AKAP6: variants seen among roughly 807,000 people sequenced by gnomAD.
AKAP6 encodes the protein A-kinase anchor protein 6.
A neutral mutation model predicts 188.5 loss-of-function variants in AKAP6; 58 were observed. The ratio of observed to expected loss-of-function variants is 0.31; its 90% CI spans 0.25 to 0.38. The LOEUF (loss-of-function observed/expected upper bound fraction) is 0.38, where lower values mean the gene tolerates loss of function less well. Ranked by LOEUF, AKAP6 falls within the 10% of genes least tolerant of loss-of-function variation. The probability of loss-of-function intolerance (pLI) is 1.00; values close to 1 mark genes in which losing one functional copy is unlikely to be tolerated. For synonymous variants in AKAP6, 989 were observed against 998.6 expected (o/e 0.99, Z 0.18); for missense variants, 2,710 against 2,740.0 (o/e 0.99, Z 0.24).
At chr14:32,505,171 C>T (rs1880807567) in intron 2 of AKAP6, among the ~76,000 whole-genome samples, 1 of 152,078 alleles carries the variant, frequency 6.6e-6, no homozygotes, top group Non-Finnish European at 1.5e-5. Context: ...AATCATAACT[C>T]TTAGAGCCCA....
chr14:32,374,491 C>A (rs142198415), intron 1 of AKAP6, among the ~76,000 whole-genome samples: 1 of 152,238 alleles, frequency 6.6e-6, no homozygotes, highest in African/African-American at 2.4e-5. Flanking sequence ...GATGTTGATT[C>A]ATTCCATTTG....
intron 9 of AKAP6, among the ~76,000 whole-genome samples, chr14:32,705,186 C>T (rs1890762176): frequency 6.6e-6 from 1 of 152,136 alleles, no homozygotes; most frequent in Non-Finnish European, 1.5e-5. Context: ...GCTGCATTAC[C>T]AACTGACCAT....
rs2034518650 is a variant in AKAP6 at position 32,821,553 on chromosome 14, C to T, written c.3740C>T (p.Pro1247Leu). ...DLDQELQPVI[P>L]SLKLGETSNE... is the part of the protein sequence containing the mutation. ...GATCAAGAACTCCAACCTGTTATCC[C>T]TTCCTTGAAGCTTGGAGAGACAAGT... The change falls in exon 13 of 14, where the codon CCT (proline) becomes CTT (leucine). Residue 1247 changes from proline to leucine, a missense_variant. By Grantham distance (98) the Pro-to-Leu change is moderately conservative. Transcript: ENST00000280979. 3.7e-6 allele frequency: 6 copies of T among 1,613,516 alleles called. No homozygotes were observed. In the Admixed American group the frequency reaches 5.0e-5, roughly 13 times the overall value.
chr14:32,456,852 A>G (rs1325661151), intron 2 of AKAP6, among the ~76,000 whole-genome samples: 1 of 152,208 alleles, frequency 6.6e-6, no homozygotes, highest in Non-Finnish European at 1.5e-5. Flanking sequence ...AAGAGGAGGG[A>G]ATTACATGCA....
chr14:32,494,060 G>A (rs901905592), intron 2 of AKAP6, among the ~76,000 whole-genome samples: 1 of 152,280 alleles, frequency 6.6e-6, no homozygotes, highest in Non-Finnish European at 1.5e-5. Flanking sequence ...ATCCACTTTG[G>A]TGTTCTCTCT....
rs762832602 is a variant in AKAP6 at position 32,824,146 on chromosome 14, G to T, written c.6333G>T (p.Ser2111=). The change falls in exon 13 of 14, where the codon TCG becomes TCT. Residue 2111 remains serine (S), a synonymous_variant. Transcript: ENST00000280979. ...AGCTGAGAAAAGGGGACTTTTATTC[G>T]TACTTATCTCTCTCATCTCATGACA... ...PIQLRKGDFY[S]YLSLSSHDSD... 6.2e-7 allele frequency: 1 copy of T among 1,613,934 alleles called. No homozygotes were observed. Among genetic ancestry groups the T allele is most frequent in the Non-Finnish European group, 8.5e-7 (1 of 1,179,906 alleles).
At chr14:32,698,575 A>G (rs1208217771) in intron 9 of AKAP6, among the ~76,000 whole-genome samples, 1 of 152,108 alleles carries the variant, frequency 6.6e-6, no homozygotes, top group African/African-American at 2.4e-5. Flanking sequence ...TTTACACTAC[A>G]GAACATTTAC....
intron 7 of AKAP6, among the ~76,000 whole-genome samples, chr14:32,651,087 G>C (rs1888204014): frequency 1.3e-5 from 2 of 152,148 alleles, no homozygotes; most frequent in African/African-American, 4.8e-5. Flanking sequence ...GACTTGTGTA[G>C]GTTATTTGGT....
At chr14:32,547,285 C>T (rs564108359) in intron 4 of AKAP6, among the ~76,000 whole-genome samples, 2 of 152,176 alleles carry the variant, frequency 1.3e-5, no homozygotes, top group Non-Finnish European at 2.9e-5. Context: ...AATGCTGGAA[C>T]CCCTTGGATC....
intron 11 of AKAP6, among the ~76,000 whole-genome samples, chr14:32,746,895 C>T (rs1448242473): frequency 6.6e-6 from 1 of 152,116 alleles, no homozygotes; most frequent in East Asian, 1.9e-4. Flanking sequence ...AGGGAGTCAA[C>T]ATTTTAAGTC....
At chr14:32,473,493 A>G (rs1483555361) in intron 2 of AKAP6, among the ~76,000 whole-genome samples, 1 of 152,224 alleles carries the variant, frequency 6.6e-6, no homozygotes, top group African/African-American at 2.4e-5. Flanking sequence ...TCTCAGAATG[A>G]GTCAAATGTC....
chr14:32,727,961 C>A (rs780924263), intron 9 of AKAP6, among the ~76,000 whole-genome samples: 1 of 152,212 alleles, frequency 6.6e-6, no homozygotes, highest in Non-Finnish European at 1.5e-5. Context: ...ACACACAAGT[C>A]TTCTGAAAAG....
Position 32,786,296 on chromosome 14 carries a change from A to ATG in AKAP6, c.3588+12404_3588+12405insGT. ...AGCCCTCTGAAAGACCTAAACCTTT[A>ATG]TCTTTTTTTTTTTTTTTTTTTTTTT... On this transcript the variant is annotated intron_variant, in intron 12 of 13. Transcript: ENST00000280979. 8.9e-4 allele frequency among the ~76,000 whole-genome samples: 83 copies of ATG among 93,714 alleles called. 24 individuals carry two copies. Among genetic ancestry groups the ATG allele is most frequent in the Admixed American group, 1.4e-3 (11 of 7,920 alleles). 61.5% of individuals were successfully genotyped at this position (93,714 alleles called of 152,430 possible). A position where few individuals can be genotyped will look rare whatever the true frequency, so the allele number is the denominator to read the frequency against.
rs2034855005 is a variant in AKAP6 at position 32,834,541 on chromosome 14, T to TTTTTTTTTTTTG, written c.*4747_*4748insGTTTTTTTTTTT. 6.7e-6 allele frequency: 1 copy of TTTTTTTTTTTTG among 149,960 alleles called. No individual in the cohort carries two copies. Among genetic ancestry groups the TTTTTTTTTTTTG allele is most frequent in the South Asian group, 2.1e-4 (1 of 4,748 alleles). The allele number at this position is 149,960 out of a possible 1,614,324, so 9.3% of individuals were successfully genotyped here. On this transcript the variant is annotated 3_prime_UTR_variant, in exon 14 of 14. Coordinates refer to ENST00000280979, the MANE Select transcript of AKAP6 (RefSeq NM_004274.5). ...GCTTTTAGTTTCCAAGTCTTTTTTT[T>TTTTTTTTTTTTG]TTTTTTTTTTTTTAAATCTTGCATA...
intron 2 of AKAP6, chr14:32,474,088 G>A (rs1672276775): frequency 6.6e-6 from 1 of 152,102 alleles, no homozygotes; most frequent in Non-Finnish European, 1.5e-5. Flanking sequence ...GGTAGAAACG[G>A]GGTTTCACTA....
At chr14:32,467,072 G>A (rs185616953) in intron 2 of AKAP6, among the ~76,000 whole-genome samples, 160 of 151,376 alleles carry the variant, frequency 1.1e-3, no homozygotes, top group Non-Finnish European at 5.5e-4. Context: ...AGGAGGGTAC[G>A]GATGGAAAAA....
intron 4 of AKAP6, among the ~76,000 whole-genome samples, chr14:32,565,796 C>T (rs1350396256): frequency 6.6e-6 from 1 of 152,230 alleles, no homozygotes; most frequent in Non-Finnish European, 1.5e-5. Flanking sequence ...GTTAGTTAGC[C>T]AGGATCAGCT....
intron 11 of AKAP6, among the ~76,000 whole-genome samples, chr14:32,766,682 T>A (rs2032729143): frequency 6.6e-6 from 1 of 152,188 alleles, no homozygotes; most frequent in Non-Finnish European, 1.5e-5. Flanking sequence ...ATTTAAAAAA[T>A]TGAGTTACTG....
At chr14:32,638,768 A>G (rs74041648) in intron 7 of AKAP6, among the ~76,000 whole-genome samples, 6,024 of 152,066 alleles carry the variant, frequency 0.04, 412 homozygotes, top group African/African-American at 0.14. Context: ...TAGAATGAAC[A>G]GAACCTGGTT....
Sources: gnomAD v4.1 joint callset for allele counts (sites outside exome capture counted in the v4.1 genomes callset) on GRCh38, gnomAD v4.1.1 for gene constraint, MANE v1.5 for transcripts, NCBI Gene and HGNC (gene_info 2026-07-23, HGNC 2026-07-21) for gene names.